PGCKA1: variants seen among roughly 807,000 people sequenced by gnomAD.
PGCKA1 encodes PDCD10 and GCKIII kinases-associated protein 1.
chr4:37,540,764 A>C, the PGCKA1 span, among the ~76,000 whole-genome samples: 1 of 151,940 alleles, frequency 6.6e-6, no homozygotes, highest in South Asian at 2.1e-4. Context: ...TTTGCTTTCT[A>C]TTCAGATATT....
chr4:37,564,426 G>A, the PGCKA1 span, among the ~76,000 whole-genome samples: 1 of 152,098 alleles, frequency 6.6e-6, no homozygotes, highest in African/African-American at 2.4e-5. Flanking sequence ...ATCCTCATAG[G>A]ACCCTGACCA....
the PGCKA1 span, among the ~76,000 whole-genome samples, chr4:37,570,277 C>T: frequency 6.6e-6 from 1 of 150,988 alleles, no homozygotes; most frequent in Non-Finnish European, 1.5e-5. Context: ...GGATTACAGG[C>T]ATGAGCCACC....
the PGCKA1 span, among the ~76,000 whole-genome samples, chr4:37,481,095 T>G: frequency 6.6e-6 from 1 of 152,224 alleles, no homozygotes; most frequent in African/African-American, 2.4e-5. Context: ...ACCCTTTTCT[T>G]TTTCTGGCAA....
chr4:37,485,821 T>C, the PGCKA1 span, among the ~76,000 whole-genome samples: 1 of 152,204 alleles, frequency 6.6e-6, no homozygotes, highest in African/African-American at 2.4e-5. Flanking sequence ...CTGGCTTTTC[T>C]ACAAGCTCAC....
the PGCKA1 span, among the ~76,000 whole-genome samples, chr4:37,509,729 G>A: frequency 6.6e-6 from 1 of 151,518 alleles, no homozygotes; most frequent in African/African-American, 2.4e-5. Context: ...GCGAGGCCGA[G>A]GCTGGCAGAT....
At chr4:37,554,714 G>A in the PGCKA1 span, among the ~76,000 whole-genome samples, 2 of 152,152 alleles carry the variant, frequency 1.3e-5, no homozygotes, top group Non-Finnish European at 2.9e-5. Flanking sequence ...TGGAGAAAGT[G>A]GTGTGTGAAA....
At chr4:37,460,939 G>T in the PGCKA1 span, 1 of 375,044 alleles carries the variant, frequency 2.7e-6, no homozygotes, top group Non-Finnish European at 5.1e-6. Context: ...GTATTGCCTA[G>T]ATTCTCTTCT....
chr4:37,504,695 G>T, the PGCKA1 span, among the ~76,000 whole-genome samples: 1 of 152,044 alleles, frequency 6.6e-6, no homozygotes, highest in East Asian at 1.9e-4. Context: ...TTGTAAATAG[G>T]ATTACTTTCT....
At chr4:37,501,044 C>A in the PGCKA1 span, among the ~76,000 whole-genome samples, 1 of 152,048 alleles carries the variant, frequency 6.6e-6, no homozygotes, top group East Asian at 1.9e-4. Context: ...GACAGTATAC[C>A]ACTGGGTCTT....
the PGCKA1 span, among the ~76,000 whole-genome samples, chr4:37,571,765 C>T: frequency 6.6e-6 from 1 of 151,946 alleles, no homozygotes; most frequent in African/African-American, 2.4e-5. Flanking sequence ...TCTCGATCTC[C>T]TGACCTCGTG....
chr4:37,457,031 T>C, the PGCKA1 span, among the ~76,000 whole-genome samples: 1 of 152,248 alleles, frequency 6.6e-6, no homozygotes, highest in Admixed American at 6.5e-5. Flanking sequence ...TTCATTGCAA[T>C]GTTCATGTGG....
the PGCKA1 span, among the ~76,000 whole-genome samples, chr4:37,572,214 C>A: frequency 6.6e-6 from 1 of 151,426 alleles, no homozygotes; most frequent in African/African-American, 2.4e-5. Flanking sequence ...AGGCGCCCGC[C>A]ACTACGCCCG....
At chr4:37,524,631 C>T in the PGCKA1 span, among the ~76,000 whole-genome samples, 1 of 152,214 alleles carries the variant, frequency 6.6e-6, no homozygotes, top group African/African-American at 2.4e-5. Context: ...ATACAGGGAT[C>T]TGATACTAGA....
chr4:37,475,204 G>A, the PGCKA1 span, among the ~76,000 whole-genome samples: 5 of 152,140 alleles, frequency 3.3e-5, no homozygotes, highest in African/African-American at 9.7e-5. Context: ...CCACAAGAGT[G>A]CCTTTTAAGA....
At chr4:37,528,526 G>T in the PGCKA1 span, among the ~76,000 whole-genome samples, 2 of 152,064 alleles carry the variant, frequency 1.3e-5, no homozygotes, top group Non-Finnish European at 2.9e-5. Context: ...AAAGAAAGAA[G>T]AACTAACAGA....
chr4:37,555,859 T>C, the PGCKA1 span, among the ~76,000 whole-genome samples: 1 of 152,066 alleles, frequency 6.6e-6, no homozygotes, highest in Admixed American at 6.6e-5. Flanking sequence ...TCTGCCTTCT[T>C]CCCTCTTCAC....
chr4:37,502,626 C>A, the PGCKA1 span, among the ~76,000 whole-genome samples: 1,620 of 152,286 alleles, frequency 0.011, 40 homozygotes, highest in African/African-American at 0.037. Context: ...GCACAGGGTG[C>A]GTGCGCACAT....
At chr4:37,551,409 A>G in the PGCKA1 span, among the ~76,000 whole-genome samples, 1 of 152,208 alleles carries the variant, frequency 6.6e-6, no homozygotes, top group South Asian at 2.1e-4. Flanking sequence ...TGGACCCCCA[A>G]TTACATGCTC....
At chr4:37,498,727 GGACTGA>G in the PGCKA1 span, among the ~76,000 whole-genome samples, 1 of 152,082 alleles carries the variant, frequency 6.6e-6, no homozygotes, top group Non-Finnish European at 1.5e-5. Context: ...AGGAGCTTTT[GGACTGA>G]GACTGTGGGG....
Sources: gnomAD v4.1 joint callset for allele counts (sites outside exome capture counted in the v4.1 genomes callset) on GRCh38, gnomAD v4.1.1 for gene constraint, MANE v1.5 for transcripts, NCBI Gene and HGNC (gene_info 2026-07-23, HGNC 2026-07-21) for gene names.